Variants in SUN2 observed in about 807,000 individuals in gnomAD.
SUN2 encodes the protein SUN domain-containing protein 2.
A neutral mutation model predicts 100.0 loss-of-function variants in SUN2; 60 were observed. That is an observed-to-expected ratio of 0.60 (90% CI 0.49 to 0.74). The LOEUF is 0.74. Ranked by LOEUF, SUN2 falls within the 30% of genes least tolerant of loss-of-function variation. SUN2 has a pLI of 0.00. For missense variants in SUN2, 834 were observed against 954.6 expected, an observed-to-expected ratio of 0.87 and a Z score of 1.66; for synonymous variants, 367 against 403.3, an observed-to-expected ratio of 0.91 and a Z score of 1.08.
At position 38,738,966 on chromosome 22, in the gene SUN2, T is replaced by C. The variant is rs753471643; in HGVS notation, c.1686A>G (p.Arg562=). Residue 562 remains arginine (R), a synonymous_variant, in exon 15 of 18, where the codon CGA becomes CGG. Transcript: ENST00000689035. The surrounding 1 kb of genome is among the most constrained non-coding windows in gnomAD (Gnocchi z 6.6). ...ESGGASVIST[R]CSETYETKTA... is the part of the protein sequence containing the mutation. ...TCTTGGTCTCGTAGGTCTCAGAACA[T>C]CGGGTGCTGATGACGCTGGCCCCTG... The C allele has an allele frequency of 1.2e-6, 2 of 1,612,648 alleles. No homozygotes were observed. The highest frequency in any genetic ancestry group is 1.3e-5 in the African/African-American group (1 of 74,786).
rs1427541365 is a variant in SUN2, at chr22:38,748,760, A to C, written c.638T>G (p.Phe213Cys). Residue 213 changes from phenylalanine to cysteine, a missense_variant, in exon 7 of 18, where the codon TTC becomes TGC. This residue lies in a region of SUN2 where 559 missense variants were observed against 597.7 expected (regional missense o/e 0.94). Coordinates refer to ENST00000689035, the MANE Select transcript of SUN2 (RefSeq NM_015374.3). Reference sequence around the variant, plus strand: ...GAGCAGCGGCAGCAGGAACCAGAGGAACGTCTTCAGGGACGAGAAGCGCCT... The same window carrying C: ...GAGCAGCGGCAGCAGGAACCAGAGGCACGTCTTCAGGGACGAGAAGCGCCT... ...LTRRFSSLKT[F>C]LWFLLPLLLL... The C allele has an allele frequency of 1.2e-6, 2 of 1,614,094 alleles. No individual in the cohort carries two copies. The highest frequency in any genetic ancestry group is 1.7e-6 in the Non-Finnish European group (2 of 1,180,046).
rs1031630627 is a variant in SUN2, at chr22:38,735,569, G to A, written c.*698C>T. The A allele has an allele frequency of 7.6e-5, 17 of 225,116 alleles. No homozygotes were observed. The highest frequency in any genetic ancestry group is 1.4e-4 in the Non-Finnish European group (15 of 109,714). 13.9% of individuals were successfully genotyped at this position (225,116 alleles called of 1,614,324 possible). A position where few individuals can be genotyped will look rare whatever the true frequency, so the allele number is the denominator to read the frequency against. On this transcript the variant is annotated 3_prime_UTR_variant, in exon 18 of 18. Coordinates refer to ENST00000689035, the MANE Select transcript of SUN2 (RefSeq NM_015374.3). ...GAGAGAAAAGCAACTACCGTCCCCAGCAGAGGGGAAGCCTACAGGGTTGGC... is the reference window on the plus strand; with the variant it reads ...GAGAGAAAAGCAACTACCGTCCCCAACAGAGGGGAAGCCTACAGGGTTGGC...
In SUN2 at chr22:38,751,328, C is replaced by T. The variant is rs561928372; in HGVS notation, c.168G>A (p.Ala56=). The change falls in exon 3 of 18, where the codon GCG becomes GCA. Residue 56 remains alanine, a synonymous_variant. Coordinates refer to ENST00000689035, the MANE Select transcript of SUN2 (RefSeq NM_015374.3). ...CATCAGAGGACGGGCCCAGCTGTGG[C>T]GCTGGGGACAGGCGCTTCATGTTGC... ...KSSNMKRLSP[A]PQLGPSSDAH... is the part of the protein sequence containing the mutation. The T allele has an allele frequency of 1.9e-5, 30 of 1,614,026 alleles. No individual in the cohort carries two copies. Among genetic ancestry groups the T allele is most frequent in the Middle Eastern group, 1.6e-4 (1 of 6,062 alleles).
chr22:38,748,579 G>T, intron 7 of SUN2, 134 bp downstream of exon 7: 1 of 988,048 alleles, frequency 1.0e-6, no homozygotes, highest in Non-Finnish European at 1.6e-6. Flanking sequence ...AGATGATCCA[G>T]GGTCCAGGGC....
At position 38,742,311 on chromosome 22, in the gene SUN2, G is replaced by C; in HGVS notation, c.1058C>G (p.Ala353Gly). Residue 353 changes from alanine (A) to glycine (G), a missense_variant, in exon 9 of 18, where the codon GCT becomes GGT. Around this residue, in one of 3 missense-constraint regions of SUN2, gnomAD observed 559 missense variants for 597.7 expected, o/e 0.94. Coordinates refer to ENST00000689035, the MANE Select transcript of SUN2 (RefSeq NM_015374.3). The part of the protein sequence containing the change: ...LKEDFRRETA[A>G]RIQEELSALR... ...TATTCCACCTCCTACCTGGATGCGAGCAGCAGTTTCCCTGCGGAAATCCTC... is the reference window on the plus strand; with the variant it reads ...TATTCCACCTCCTACCTGGATGCGACCAGCAGTTTCCCTGCGGAAATCCTC... The C allele has an allele frequency of 3.7e-6, 6 of 1,602,564 alleles. No homozygotes were observed. Among genetic ancestry groups the C allele is most frequent in the Non-Finnish European group, 5.1e-6 (6 of 1,171,250 alleles).
rs960357116 is a variant in SUN2 at position 38,740,955 on chromosome 22, G to C, written c.1190+52C>G. The C allele has an allele frequency of 4.5e-6, 7 of 1,543,340 alleles. No individual in the cohort carries two copies. Among genetic ancestry groups the C allele is most frequent in the Non-Finnish European group, 6.2e-6 (7 of 1,136,340 alleles). Reference sequence around the variant, plus strand: ...TCTGCTCCCCAGTCCTGCCTGGAGAGTGGGTGGGGCTGGGGAGGAGCAGGC... The same window carrying C: ...TCTGCTCCCCAGTCCTGCCTGGAGACTGGGTGGGGCTGGGGAGGAGCAGGC... On this transcript the variant is annotated intron_variant, in intron 11 of 17. Transcript: ENST00000689035. The surrounding 1 kb of genome is among the most constrained non-coding windows in gnomAD (Gnocchi z 4.8).
chr22:38,740,284 G>C lies in SUN2; in HGVS notation c.1339C>G (p.Gln447Glu). 1 of 1,599,706 alleles carries C rather than the reference G, an allele frequency of 6.3e-7. No homozygotes were observed. Among genetic ancestry groups the C allele is most frequent in the Non-Finnish European group, 8.5e-7 (1 of 1,173,400 alleles). The change falls in exon 12 of 18, where the codon CAG (glutamine) becomes GAG (glutamate). Residue 447 changes from glutamine to glutamate, a missense_variant. Transcript: ENST00000689035. This position sits in a 1 kb window ranked among gnomAD's most constrained non-coding sequence, Gnocchi z 4.8. Reference protein sequence around the residue: ...EEVGLLPQQIQAVRDDVESQF... With the variant: ...EEVGLLPQQIEAVRDDVESQF... ...CCACTCACGTCGTCCCGCACGGCCTGGATCTGCTGGGGCAGCAGGCCCACT... is the reference window on the plus strand; with the variant it reads ...CCACTCACGTCGTCCCGCACGGCCTCGATCTGCTGGGGCAGCAGGCCCACT...
intron 1 of SUN2, among the ~76,000 whole-genome samples, chr22:38,753,169 C>T (rs1345454470): frequency 2.0e-5 from 3 of 151,488 alleles, no homozygotes; most frequent in Non-Finnish European, 4.4e-5. Context: ...CCCCAACGAA[C>T]CTTGATGGAA....
intron 7 of SUN2, 69 bp downstream of exon 7, chr22:38,748,644 T>G: frequency 6.3e-7 from 1 of 1,584,478 alleles, no homozygotes; most frequent in Non-Finnish European, 8.7e-7. Flanking sequence ...CTTCCCTGCC[T>G]GCCAAAGGTC....
rs892104132 is a variant in SUN2 at position 38,737,028 on chromosome 22, G to A, written c.2041-648C>T. Among the ~76,000 whole-genome samples the A allele has an allele frequency of 6.6e-6, 1 of 152,062 alleles. No individual in the cohort carries two copies. Among genetic ancestry groups the A allele is most frequent in the Non-Finnish European group, 1.5e-5 (1 of 68,006 alleles). ...CCGGCTAAATTTTTTAACATTTTTT[G>A]TAGAGTCGGGATCTCGCTGTGTTCA... On this transcript the variant is annotated intron_variant, in intron 17 of 17. Transcript: ENST00000689035. The surrounding 1 kb of genome is among the most constrained non-coding windows in gnomAD (Gnocchi z 4.1).
Position 38,745,715 on chromosome 22 carries a change from C to T in SUN2, c.782G>A (p.Trp261Ter). 6.2e-7 allele frequency: 1 copy of T among 1,613,988 alleles called. No individual in the cohort carries two copies. The highest frequency in any genetic ancestry group is 8.5e-7 in the Non-Finnish European group (1 of 1,180,022). ...ATGTGGCGATGAGTCTCTGGCTTCCCAGCCCTCATCCGGCCTCCTGCTGTC... is the reference window on the plus strand; with the variant it reads ...ATGTGGCGATGAGTCTCTGGCTTCCTAGCCCTCATCCGGCCTCCTGCTGTC... ...AKDSRRPDEG[W>*]EARDSSPHFQ... The change falls in exon 8 of 18, where the codon TGG (tryptophan) becomes TAG (stop). Residue 261 changes from tryptophan to a stop codon, truncating the protein, a stop_gained. Transcript: ENST00000689035. LOFTEE classifies it high-confidence loss of function.
intron 7 of SUN2, among the ~76,000 whole-genome samples, chr22:38,747,557 G>A (rs755917033): frequency 2.6e-5 from 4 of 152,194 alleles, no homozygotes; most frequent in Non-Finnish European, 4.4e-5. Context: ...ATTACTTGGT[G>A]CAGTCATTAA....
In SUN2 at chr22:38,739,210, G is replaced by A; in HGVS notation, c.1663+132C>T. ...TGAATTGCCACTTGCCTTTGTCATG[G>A]GTACTAGGTTGGGTGATTTCTGCTG... On this transcript the variant is annotated intron_variant, in intron 14 of 17. Coordinates refer to ENST00000689035, the MANE Select transcript of SUN2 (RefSeq NM_015374.3). The surrounding 1 kb of genome is among the most constrained non-coding windows in gnomAD (Gnocchi z 6.7). 9.3e-7 allele frequency: 1 copy of A among 1,074,816 alleles called. No individual in the cohort carries two copies. The highest frequency in any genetic ancestry group is 1.4e-6 in the Non-Finnish European group (1 of 710,118). The allele number at this position is 1,074,816 out of a possible 1,614,324, so 66.6% of individuals were successfully genotyped here.
intron 2 of SUN2, 23 bp downstream of exon 2, chr22:38,752,484 G>A (rs773028945): frequency 1.4e-5 from 23 of 1,591,324 alleles, no homozygotes; most frequent in Middle Eastern, 1.7e-4. Flanking sequence ...GTCAGGGGCC[G>A]TGGCACTCCC....
rs1270906837 is a variant in SUN2, at chr22:38,755,615, C to T, written c.-38+148G>A. 9 of 942,500 alleles carry T rather than the reference C, an allele frequency of 9.5e-6. No homozygotes were observed. In the East Asian group the frequency reaches 1.0e-3, roughly 110 times the overall value. The allele number at this position is 942,500 out of a possible 1,614,324, so 58.4% of individuals were successfully genotyped here. On this transcript the variant is annotated intron_variant, in intron 1 of 17. Coordinates refer to ENST00000689035, the MANE Select transcript of SUN2 (RefSeq NM_015374.3). This position sits in a 1 kb window ranked among gnomAD's most constrained non-coding sequence, Gnocchi z 5.7. Reference sequence around the variant, plus strand: ...GGTGAGTCAGGGCGCGGGCCGCGGACCCGGGTGGAGGCTGGATCCGGCCCA... The same window carrying T: ...GGTGAGTCAGGGCGCGGGCCGCGGATCCGGGTGGAGGCTGGATCCGGCCCA...
chr22:38,736,261 G>A lies in SUN2; in HGVS notation c.*6C>T, dbSNP rs369326957. 6.2e-7 allele frequency: 1 copy of A among 1,609,830 alleles called. No individual in the cohort carries two copies. Among genetic ancestry groups the A allele is most frequent in the Non-Finnish European group, 8.5e-7 (1 of 1,177,422 alleles). ...GATGGCTGGCAGCAGGCACCAGTAA[G>A]CAGGGCTAGTGGGCGGGCTCCCCAT... On this transcript the variant is annotated 3_prime_UTR_variant, in exon 18 of 18. Transcript: ENST00000689035.
At position 38,739,338 on chromosome 22, in the gene SUN2, G is replaced by C. The variant is rs367645117; in HGVS notation, c.1663+4C>G. The C allele has an allele frequency of 3.1e-6, 5 of 1,612,796 alleles. No individual in the cohort carries two copies. The highest frequency in any genetic ancestry group is 1.7e-5 in the Admixed American group (1 of 60,010). On this transcript the variant is annotated splice_donor_region_variant and intron_variant, in intron 14 of 17. Coordinates refer to ENST00000689035, the MANE Select transcript of SUN2 (RefSeq NM_015374.3). This position sits in a 1 kb window ranked among gnomAD's most constrained non-coding sequence, Gnocchi z 6.7. Reference sequence around the variant, plus strand: ...AGGCAGAGCGAGGAAAGCAGAGCACGTACCTCCTGACTCCAGGGCGTAGTC... The same window carrying C: ...AGGCAGAGCGAGGAAAGCAGAGCACCTACCTCCTGACTCCAGGGCGTAGTC...
rs1211569464 is a variant in SUN2, at chr22:38,752,616, T to C, written c.13A>G (p.Ser5Gly). 6.2e-7 allele frequency: 1 copy of C among 1,613,720 alleles called. No individual in the cohort carries two copies. Among genetic ancestry groups the C allele is most frequent in the African/African-American group, 1.3e-5 (1 of 74,936 alleles). MSRRSQRLTRYSQGD... is the reference protein window; with the variant it reads MSRRGQRLTRYSQGD... ...TGGGAGTAGCGCGTGAGGCGCTGGC[T>C]TCTTCGGGACATGATGAGGTGGGAT... is the stretch of plus-strand genomic sequence containing the variant. The change falls in exon 2 of 18, where the codon AGC becomes GGC. Residue 5 changes from serine to glycine, a missense_variant. Physicochemically the swap from Ser to Gly is moderately conservative, Grantham distance 56. This residue lies in a region of SUN2 where 559 missense variants were observed against 597.7 expected (regional missense o/e 0.94). Transcript: ENST00000689035.
In SUN2 at chr22:38,742,402, G is replaced by GGCC. The variant is rs1470704331; in HGVS notation, c.964_966dup (p.Gly322dup). 2 of 1,613,238 alleles carry GGCC rather than the reference G, an allele frequency of 1.2e-6. No individual in the cohort carries two copies. Among genetic ancestry groups the GGCC allele is most frequent in the African/African-American group, 1.3e-5 (1 of 74,940 alleles). Reference sequence around the variant, plus strand: ...AGCGCCAGGGTGTCCTCGTGGCTCAGGCCACCACCACCTCCCTGGCCAGGA... The same window carrying GGCC: ...AGCGCCAGGGTGTCCTCGTGGCTCAGGCCGCCACCACCACCTCCCTGGCCAGGA... On this transcript the variant is annotated inframe_insertion, in exon 9 of 18. Transcript: ENST00000689035.
Sources: gnomAD v4.1 joint callset for allele counts (sites outside exome capture counted in the v4.1 genomes callset) on GRCh38, gnomAD v4.1.1 for gene constraint, gnomAD v4.1.1 regional missense constraint, Gnocchi (gnomAD v3.1) non-coding constraint, MANE v1.5 for transcripts, NCBI Gene and HGNC (gene_info 2026-07-23, HGNC 2026-07-21) for gene names.